Variants in LARGE1 observed in about 807,000 individuals in gnomAD.
LARGE1 encodes the protein xylosyl- and glucuronyltransferase LARGE1.
A neutral mutation model predicts 87.6 loss-of-function variants in LARGE1; 43 were observed. That is an observed-to-expected ratio of 0.49 (90% CI 0.38 to 0.63). The LOEUF (loss-of-function observed/expected upper bound fraction) is 0.63. Ranked by LOEUF, LARGE1 falls within the 30% of genes least tolerant of loss-of-function variation. The probability of loss-of-function intolerance (pLI) is 0.00; values close to 1 mark genes in which losing one functional copy is unlikely to be tolerated. For missense variants in LARGE1, 802 were observed against 1,000.2 expected (o/e 0.80, Z 2.67); for synonymous variants, 434 against 394.6 (o/e 1.10, Z -1.18).
intron 2 of LARGE1, among the ~76,000 whole-genome samples, chr22:33,700,841 G>T (rs999668736): frequency 6.6e-6 from 1 of 152,178 alleles, no homozygotes; most frequent in African/African-American, 2.4e-5. Context: ...CAGTAGTTTA[G>T]GTACCTTTTA....
At chr22:33,540,273 G>A (rs1386682340) in intron 6 of LARGE1, among the ~76,000 whole-genome samples, 2 of 152,182 alleles carry the variant, frequency 1.3e-5, no homozygotes, top group Non-Finnish European at 2.9e-5. Flanking sequence ...TGACTGGGGC[G>A]CCAAGAGGCC....
At chr22:33,470,137 G>A (rs1178784215) in intron 6 of LARGE1, among the ~76,000 whole-genome samples, 3 of 151,844 alleles carry the variant, frequency 2.0e-5, no homozygotes, top group Admixed American at 1.3e-4. Flanking sequence ...TGATCCACCC[G>A]CCTCAGCCTC....
At chr22:33,651,608 G>T (rs1030085162) in intron 2 of LARGE1, among the ~76,000 whole-genome samples, 1 of 152,040 alleles carries the variant, frequency 6.6e-6, no homozygotes, top group Non-Finnish European at 1.5e-5. Flanking sequence ...ACTGTATTTG[G>T]TAAACAGCTT....
chr22:33,277,035 C>A (rs1370731313), intron 14 of LARGE1, 25 bp downstream of exon 14: 2 of 1,610,794 alleles, frequency 1.2e-6, no homozygotes, highest in Non-Finnish European at 1.7e-6. Context: ...TCGACCATAC[C>A]AGGTGGATGC....
chr22:33,842,945 AAAC>A (rs776257451), intron 1 of LARGE1, among the ~76,000 whole-genome samples: 165 of 130,748 alleles, frequency 1.3e-3, no homozygotes, highest in Non-Finnish European at 1.9e-3. Context: ...AAACAAAACA[AAAC>A]AAAACAAAAA....
At chr22:33,463,782 C>T (rs1489761964) in intron 6 of LARGE1, among the ~76,000 whole-genome samples, 1 of 152,146 alleles carries the variant, frequency 6.6e-6, no homozygotes, top group Non-Finnish European at 1.5e-5. Context: ...AAGTGATTCT[C>T]CTGCCTCAGC....
intron 3 of LARGE1, among the ~76,000 whole-genome samples, chr22:33,640,525 G>T (rs540567445): frequency 6.6e-5 from 10 of 152,320 alleles, no homozygotes; most frequent in African/African-American, 2.2e-4. Flanking sequence ...CAGACACCCA[G>T]CTAGCTGCAG....
At chr22:33,381,634 G>T (rs1425892128) in intron 9 of LARGE1, among the ~76,000 whole-genome samples, 1 of 152,108 alleles carries the variant, frequency 6.6e-6, no homozygotes, top group Non-Finnish European at 1.5e-5. Flanking sequence ...TGAATGAATA[G>T]ATTTGGGGAG....
At chr22:33,283,951 AAAG>A (rs775936138) in intron 12 of LARGE1, among the ~76,000 whole-genome samples, 4 of 152,134 alleles carry the variant, frequency 2.6e-5, no homozygotes, top group Admixed American at 6.5e-5. Flanking sequence ...AAGGAAAAGA[AAAG>A]AAGAAAGATG....
In LARGE1 at chr22:33,256,093, G is replaced by C. The variant is rs56904467; in HGVS notation, c.1730+48136C>G. The stretch of plus-strand genomic sequence containing the variant: ...GATCTTGCTGCTTCCTCTGCCAGCC[G>C]AGCAGGGAACTGTCAGCAAGACAAG... On this transcript the variant is annotated intron_variant, in intron 11 of 11. Transcript: ENST00000608642. Among the ~76,000 whole-genome samples the C allele has an allele frequency of 7.5e-3, 1,148 of 152,254 alleles. 3 individuals are homozygous for C. Among genetic ancestry groups the C allele is most frequent in the Middle Eastern group, 0.027 (8 of 294 alleles).
intron 11 of LARGE1, among the ~76,000 whole-genome samples, chr22:33,260,636 C>A (rs1927575533): frequency 6.6e-6 from 1 of 152,242 alleles, no homozygotes; most frequent in African/African-American, 2.4e-5. Context: ...AACCCACATT[C>A]GTTGCCTTCA....
At chr22:33,251,360 T>A (rs1157430319) in intron 11 of LARGE1, among the ~76,000 whole-genome samples, 3 of 152,196 alleles carry the variant, frequency 2.0e-5, no homozygotes, top group African/African-American at 7.2e-5. Flanking sequence ...TTTTTGTTTA[T>A]CTGATTTGTG....
intron 1 of LARGE1, among the ~76,000 whole-genome samples, chr22:33,834,934 G>T (rs561317016): frequency 1.3e-5 from 2 of 152,314 alleles, no homozygotes; most frequent in South Asian, 2.1e-4. Context: ...ATGCCTCAGC[G>T]ACAAAGCTAC....
chr22:33,201,388 A>G (rs1293004072), intron 11 of LARGE1, among the ~76,000 whole-genome samples: 1 of 151,384 alleles, frequency 6.6e-6, no homozygotes, highest in Admixed American at 6.6e-5. Context: ...GAAAGAAAGG[A>G]AAGAAGGAGA....
chr22:33,470,093 C>A (rs188399184), intron 6 of LARGE1, among the ~76,000 whole-genome samples: 2 of 151,464 alleles, frequency 1.3e-5, no homozygotes, highest in East Asian at 4.0e-4. Context: ...GGTTTCACCA[C>A]GTTAGCCAGG....
chr22:33,880,114 C>G (rs1340637102), intron 1 of LARGE1, among the ~76,000 whole-genome samples: 2 of 152,160 alleles, frequency 1.3e-5, no homozygotes, highest in South Asian at 2.1e-4. Flanking sequence ...CTGAGTTAAT[C>G]AAGCACTCCA....
intron 6 of LARGE1, among the ~76,000 whole-genome samples, chr22:33,469,070 G>C (rs1363748338): frequency 6.6e-6 from 1 of 152,216 alleles, no homozygotes; most frequent in Non-Finnish European, 1.5e-5. Flanking sequence ...AAAAGGGAAT[G>C]CTTATACACT....
At chr22:33,848,084 C>G (rs999917804) in intron 1 of LARGE1, among the ~76,000 whole-genome samples, 4 of 152,152 alleles carry the variant, frequency 2.6e-5, no homozygotes, top group African/African-American at 7.2e-5. Flanking sequence ...TCCCTATAGT[C>G]AATTAATAGT....
At chr22:33,633,214 T>C (rs1490070244) in intron 3 of LARGE1, among the ~76,000 whole-genome samples, 1 of 152,002 alleles carries the variant, frequency 6.6e-6, no homozygotes, top group African/African-American at 2.4e-5. Flanking sequence ...AACCAGGAGA[T>C]CCCACAGGAG....
Sources: gnomAD v4.1 joint callset for allele counts (sites outside exome capture counted in the v4.1 genomes callset) on GRCh38, gnomAD v4.1.1 for gene constraint, MANE v1.5 for transcripts, NCBI Gene and HGNC (gene_info 2026-07-23, HGNC 2026-07-21) for gene names.